The following PPP1R1C variants were observed in gnomAD, a reference collection of about 807,000 sequenced individuals.
PPP1R1C encodes the protein protein phosphatase 1 regulatory inhibitor subunit 1C, also known as protein phosphatase 1 regulatory subunit 1C.
PPP1R1C carries 15 observed loss-of-function variants against 17.4 expected under a neutral mutation model. The ratio of observed to expected loss-of-function variants is 0.86; its 90% CI spans 0.58 to 1.33. The LOEUF (loss-of-function observed/expected upper bound fraction) is 1.33, where lower values mean the gene tolerates loss of function less well. PPP1R1C is among the 40% of genes most tolerant of loss of function. The probability of loss-of-function intolerance (pLI) is 0.00; values close to 1 mark genes in which losing one functional copy is unlikely to be tolerated. For missense variants in PPP1R1C, 143 were observed against 130.0 expected, an observed-to-expected ratio of 1.10 and a Z score of -0.48; for synonymous variants, 35 against 43.1, an observed-to-expected ratio of 0.81 and a Z score of 0.73.
At chr2:182,073,454 ACT>A (rs1246725410) in intron 4 of PPP1R1C, among the ~76,000 whole-genome samples, 1 of 152,162 alleles carries the variant, frequency 6.6e-6, no homozygotes, top group African/African-American at 2.4e-5. Flanking sequence ...TTCATTCTAG[ACT>A]CTAATAAAAT....
intron 2 of PPP1R1C, among the ~76,000 whole-genome samples, chr2:182,046,564 CAAAA>C (rs146696724): frequency 8.4e-6 from 1 of 119,114 alleles, no homozygotes; most frequent in African/African-American, 3.1e-5. Flanking sequence ...CGTCTCTACT[CAAAA>C]AAAAAAAAAA....
At chr2:181,969,883 G>A (rs1684972534) in intron 1 of PPP1R1C, among the ~76,000 whole-genome samples, 1 of 152,112 alleles carries the variant, frequency 6.6e-6, no homozygotes, top group Non-Finnish European at 1.5e-5. Context: ...CAATTCTGCT[G>A]TTGAGACTCT....
intron 3 of PPP1R1C, among the ~76,000 whole-genome samples, chr2:182,062,221 A>G (rs941204656): frequency 2.0e-5 from 3 of 152,156 alleles, no homozygotes; most frequent in African/African-American, 7.2e-5. Flanking sequence ...CAAAATATCA[A>G]ATAGTATATC....
chr2:182,001,557 T>G (rs1026309224), intron 2 of PPP1R1C, among the ~76,000 whole-genome samples: 8 of 152,108 alleles, frequency 5.3e-5, no homozygotes, highest in Non-Finnish European at 1.0e-4. Context: ...ATACTTTCCT[T>G]CCATGTGAAC....
chr2:182,004,099 C>A (rs1175906156), intron 2 of PPP1R1C, among the ~76,000 whole-genome samples: 2 of 152,152 alleles, frequency 1.3e-5, no homozygotes, highest in African/African-American at 4.8e-5. Context: ...AAGCTTTCTC[C>A]TGTTAGTCTT....
chr2:182,099,432 G>C (rs775188467), intron 4 of PPP1R1C, among the ~76,000 whole-genome samples: 5 of 152,186 alleles, frequency 3.3e-5, no homozygotes, highest in Non-Finnish European at 5.9e-5. Context: ...CCACAAGACA[G>C]GTTAGCTGTC....
intron 1 of PPP1R1C, among the ~76,000 whole-genome samples, chr2:181,972,226 A>G (rs1261819882): frequency 6.6e-6 from 1 of 152,224 alleles, no homozygotes; most frequent in Non-Finnish European, 1.5e-5. Flanking sequence ...TCATTTTTAG[A>G]TATTCGAAGT....
intron 1 of PPP1R1C, among the ~76,000 whole-genome samples, 194 bp from the exon 2 acceptor site, chr2:181,987,645 T>A (rs905736573): frequency 2.0e-5 from 3 of 152,242 alleles, no homozygotes; most frequent in African/African-American, 7.2e-5. Context: ...AGGGTGATAC[T>A]TCTATCAGAC....
chr2:182,034,689 A>G (rs1001533616), intron 2 of PPP1R1C, among the ~76,000 whole-genome samples: 12 of 152,242 alleles, frequency 7.9e-5, no homozygotes, highest in Admixed American at 5.2e-4. Flanking sequence ...ATGTTAAGTC[A>G]GAAATGTGCG....
intron 4 of PPP1R1C, among the ~76,000 whole-genome samples, chr2:182,098,821 G>C (rs781361881): frequency 6.6e-6 from 1 of 152,026 alleles, no homozygotes; most frequent in Non-Finnish European, 1.5e-5. Context: ...TAGAAAACAG[G>C]AAGCTATCTA....
chr2:182,030,246 T>C (rs1686773053), intron 2 of PPP1R1C, among the ~76,000 whole-genome samples: 1 of 152,230 alleles, frequency 6.6e-6, no homozygotes, highest in Non-Finnish European at 1.5e-5. Flanking sequence ...CTTTGTTCCA[T>C]TGCTGGTGAA....
rs1347864395 is a variant in PPP1R1C at position 182,004,574 on chromosome 2, A to T, written c.142+16675A>T. Reference sequence around the variant, plus strand: ...CCAGAAACATGACAAGGCATTAGAGATTCAATGCTATGAATGGAGCCTGTT... The same window carrying T: ...CCAGAAACATGACAAGGCATTAGAGTTTCAATGCTATGAATGGAGCCTGTT... On this transcript the variant is annotated intron_variant, in intron 2 of 4. Coordinates refer to ENST00000682840, the MANE Select transcript of PPP1R1C (RefSeq NM_001080545.3). Among the ~76,000 whole-genome samples, 4 of 152,336 alleles carry T rather than the reference A, an allele frequency of 2.6e-5. No homozygotes were observed. In the East Asian group the frequency reaches 7.7e-4, roughly 29 times the overall value.
chr2:182,088,397 A>G lies in PPP1R1C; in HGVS notation c.241+24606A>G, dbSNP rs142644113. Among the ~76,000 whole-genome samples, 484 of 152,296 alleles carry G rather than the reference A, an allele frequency of 3.2e-3. 2 individuals carry two copies. Among genetic ancestry groups the G allele is most frequent in the African/African-American group, 0.011 (466 of 41,562 alleles). ...CTCTTGCTGTGAAAATCTTCTAGTC[A>G]ATGATTAAATTTCAAGAGCCTGAAC... On this transcript the variant is annotated intron_variant, in intron 4 of 4. Transcript: ENST00000682840.
chr2:181,978,254 G>A (rs777651166), intron 2 of PPP1R1C, among the ~76,000 whole-genome samples: 8 of 152,220 alleles, frequency 5.3e-5, no homozygotes, highest in Non-Finnish European at 1.2e-4. Context: ...ACAATTCAGA[G>A]TGAGATTTGG....
At chr2:182,025,284 T>C (rs1301971270) in intron 2 of PPP1R1C, among the ~76,000 whole-genome samples, 1 of 145,956 alleles carries the variant, frequency 6.9e-6, no homozygotes, top group Non-Finnish European at 1.5e-5. Context: ...TGTATACATG[T>C]GCCATGCTGG....
At chr2:182,089,362 A>G (rs1172070999) in intron 4 of PPP1R1C, among the ~76,000 whole-genome samples, 1 of 152,188 alleles carries the variant, frequency 6.6e-6, no homozygotes, top group Non-Finnish European at 1.5e-5. Context: ...ATTAATTCTT[A>G]CTTGTGGTTT....
chr2:182,027,314 T>A (rs1451616467), intron 2 of PPP1R1C, among the ~76,000 whole-genome samples: 1 of 142,478 alleles, frequency 7.0e-6, no homozygotes, highest in Non-Finnish European at 1.5e-5. Flanking sequence ...TGCTTCCAGT[T>A]TTTGCCCATT....
chr2:182,122,397 C>A (rs1182790328), downstream of PPP1R1C, among the ~76,000 whole-genome samples: 1 of 151,930 alleles, frequency 6.6e-6, no homozygotes, highest in African/African-American at 2.4e-5. Context: ...ATCCAGCAAC[C>A]CCAAATCCAT....
chr2:182,010,510 A>G (rs1415572786), intron 2 of PPP1R1C, among the ~76,000 whole-genome samples: 2 of 152,058 alleles, frequency 1.3e-5, no homozygotes, highest in African/African-American at 4.8e-5. Context: ...TACCAGTTAT[A>G]CTAGTTTTTT....
Sources: allele counts gnomAD v4.1 joint callset (sites outside exome capture counted in the v4.1 genomes callset), GRCh38; gene constraint gnomAD v4.1.1; transcripts MANE v1.5; gene names NCBI Gene and HGNC (gene_info 2026-07-23, HGNC 2026-07-21).